Variants in CACNA1C observed in about 807,000 individuals in gnomAD.
CACNA1C encodes the protein calcium voltage-gated channel subunit alpha1 C, also known as voltage-dependent L-type calcium channel subunit alpha-1C.
Under a neutral mutation model 229.0 loss-of-function variants are expected in CACNA1C, and 30 were observed. The ratio of observed to expected loss-of-function variants is 0.13; its 90% CI spans 0.10 to 0.18. The LOEUF (loss-of-function observed/expected upper bound fraction) is 0.18. Among genes scored for constraint, CACNA1C ranks in the 10% least tolerant of loss-of-function variants. CACNA1C has a pLI of 1.00. For missense variants in CACNA1C, 1,658 were observed against 2,845.0 expected, an observed-to-expected ratio of 0.58 and a Z score of 9.49; for synonymous variants, 1,114 against 1,132.5, an observed-to-expected ratio of 0.98 and a Z score of 0.33.
At chr12:2,445,659 A>C (rs1276599255) in intron 3 of CACNA1C, among the ~76,000 whole-genome samples, 1 of 152,134 alleles carries the variant, frequency 6.6e-6, no homozygotes, top group African/African-American at 2.4e-5. Flanking sequence ...CCTGTACCCA[A>C]GTGGAGGGCC....
At chr12:2,443,754 C>T (rs935472851) in intron 3 of CACNA1C, among the ~76,000 whole-genome samples, 3 of 152,216 alleles carry the variant, frequency 2.0e-5, no homozygotes, top group Non-Finnish European at 4.4e-5. Context: ...TGAGAACAGT[C>T]TTTGACCAAC....
At chr12:2,406,802 T>G (rs1003361843) in intron 3 of CACNA1C, among the ~76,000 whole-genome samples, 1 of 152,254 alleles carries the variant, frequency 6.6e-6, no homozygotes, top group African/African-American at 2.4e-5. Flanking sequence ...TCATTCAAGT[T>G]GGTGCTTTCC....
intron 7 of CACNA1C, among the ~76,000 whole-genome samples, chr12:2,498,004 A>C (rs952033563): frequency 8.7e-5 from 10 of 114,374 alleles, no homozygotes; most frequent in Non-Finnish European, 1.3e-4. Context: ...CACACACACA[A>C]CAGCTATTAA....
chr12:2,664,203 CA>C (rs2095942488), intron 34 of CACNA1C, among the ~76,000 whole-genome samples: 1 of 152,202 alleles, frequency 6.6e-6, no homozygotes, highest in Admixed American at 6.5e-5. Context: ...TTATCTCACA[CA>C]AATTATATGA....
At chr12:2,078,687 C>T (rs940949622) in intron 1 of CACNA1C, among the ~76,000 whole-genome samples, 3 of 152,168 alleles carry the variant, frequency 2.0e-5, no homozygotes, top group East Asian at 3.9e-4. Flanking sequence ...TTTAACTGTA[C>T]ACCTAAAAAC....
chr12:2,318,866 A>C (rs2095826011), intron 3 of CACNA1C, among the ~76,000 whole-genome samples: 1 of 146,674 alleles, frequency 6.8e-6, no homozygotes, highest in African/African-American at 2.5e-5. Context: ...GGAGGGAGGG[A>C]GGTGGATGGG....
Position 2,371,724 on chromosome 12 carries a change from C to CTTTTTTTTTTTTTTT in CACNA1C, c.478-77244_478-77230dup, listed in dbSNP as rs61627008. Among the ~76,000 whole-genome samples, 5 of 129,016 alleles carry CTTTTTTTTTTTTTTT rather than the reference C, an allele frequency of 3.9e-5. 2 individuals carry two copies. 84.6% of individuals were successfully genotyped at this position (129,016 alleles called of 152,430 possible). ...CAAGCACATACTAAATGACATATGG[C>CTTTTTTTTTTTTTTT]TTTTTTTTTTTTTTTTTTTTTTAAT... On this transcript the variant is annotated intron_variant, in intron 3 of 46. Coordinates refer to ENST00000399655, the MANE Select transcript of CACNA1C (RefSeq NM_000719.7).
At chr12:2,389,823 C>T (rs928610151) in intron 3 of CACNA1C, among the ~76,000 whole-genome samples, 19 of 152,122 alleles carry the variant, frequency 1.2e-4, no homozygotes, top group Admixed American at 1.3e-4. Context: ...TCCAACCCTC[C>T]GGCACCGAAT....
chr12:2,497,969 T>TCACACACACA (rs3058710), intron 7 of CACNA1C, among the ~76,000 whole-genome samples: 3,081 of 143,944 alleles, frequency 0.021, 51 homozygotes, highest in South Asian at 0.05. Flanking sequence ...TCTATTAAAT[T>TCACACACACA]CACACACACA....
chr12:2,167,191 G>C (rs890234033), intron 3 of CACNA1C, among the ~76,000 whole-genome samples: 2 of 152,302 alleles, frequency 1.3e-5, no homozygotes, highest in East Asian at 1.9e-4. Context: ...TATATAACAA[G>C]TTCCTGAGTG....
At chr12:2,198,886 C>T (rs1337311819) in intron 3 of CACNA1C, among the ~76,000 whole-genome samples, 1 of 152,128 alleles carries the variant, frequency 6.6e-6, no homozygotes, top group Non-Finnish European at 1.5e-5. Context: ...TTTTCTTAAT[C>T]ATATGTTATG....
intron 34 of CACNA1C, chr12:2,661,014 T>C (rs1015489027): frequency 1.3e-5 from 2 of 151,838 alleles, no homozygotes; most frequent in African/African-American, 4.8e-5. Context: ...TCTCAACAAC[T>C]TGGGAGGCTG....
In CACNA1C at chr12:2,322,954, G is replaced by T. The variant is rs553754093; in HGVS notation, c.478-126022G>T. Among the ~76,000 whole-genome samples, 21 of 152,328 alleles carry T rather than the reference G, an allele frequency of 1.4e-4. No homozygotes were observed. The East Asian group carries it at 4.1e-3, about 29-fold the overall frequency. The stretch of plus-strand genomic sequence containing the variant: ...TGCTGCACCACGCTGTCCCGACGCT[G>T]TCTGTTCTGAAGGTCCTCACCACTC... On this transcript the variant is annotated intron_variant, in intron 3 of 46. Coordinates refer to ENST00000399655, the MANE Select transcript of CACNA1C (RefSeq NM_000719.7).
chr12:2,261,399 A>C (rs1013199577), intron 3 of CACNA1C, among the ~76,000 whole-genome samples: 11 of 152,216 alleles, frequency 7.2e-5, no homozygotes, highest in Admixed American at 3.3e-4. Context: ...GGGTTCTCAT[A>C]TCTGCTCTGT....
intron 9 of CACNA1C, among the ~76,000 whole-genome samples, chr12:2,538,207 C>T (rs2099860565): frequency 1.3e-5 from 2 of 152,200 alleles, no homozygotes; most frequent in African/African-American, 2.4e-5. Context: ...TGGCAGAGCG[C>T]ACTTCTATTG....
chr12:2,334,563 A>G (rs1372932796), intron 3 of CACNA1C, among the ~76,000 whole-genome samples: 2 of 152,202 alleles, frequency 1.3e-5, no homozygotes, highest in African/African-American at 4.8e-5. Flanking sequence ...CCAGTGACTC[A>G]GGATGCCAAG....
At chr12:2,253,543 T>C (rs1170607870) in intron 3 of CACNA1C, among the ~76,000 whole-genome samples, 1 of 152,246 alleles carries the variant, frequency 6.6e-6, no homozygotes, top group African/African-American at 2.4e-5. Context: ...TTGCAAGTCA[T>C]TGGAACCTAA....
At chr12:2,279,542 T>G (rs775157126) in intron 3 of CACNA1C, among the ~76,000 whole-genome samples, 8 of 152,368 alleles carry the variant, frequency 5.3e-5, no homozygotes, top group Non-Finnish European at 1.0e-4. Flanking sequence ...CCTTGAAGAC[T>G]TGACCTCTTT....
chr12:2,399,647 G>A (rs1433567638), intron 3 of CACNA1C, among the ~76,000 whole-genome samples: 1 of 152,304 alleles, frequency 6.6e-6, no homozygotes, highest in South Asian at 2.1e-4. Context: ...CTCTGCCAGC[G>A]GAGCTTGGGG....
Sources: gnomAD v4.1 joint callset for allele counts (sites outside exome capture counted in the v4.1 genomes callset) on GRCh38, gnomAD v4.1.1 for gene constraint, MANE v1.5 for transcripts, NCBI Gene and HGNC (gene_info 2026-07-23, HGNC 2026-07-21) for gene names.